Variants in RFX1 observed in about 807,000 individuals in gnomAD.
RFX1 encodes MHC class II regulatory factor RFX1.
Under a neutral mutation model 119.6 loss-of-function variants are expected in RFX1, and 42 were observed. That is an observed-to-expected ratio of 0.35 (90% CI 0.27 to 0.45). The LOEUF (loss-of-function observed/expected upper bound fraction) is 0.45. RFX1 is among the 20% of genes least tolerant of loss of function. The probability of loss-of-function intolerance (pLI) is 1.00; values close to 1 mark genes in which losing one functional copy is unlikely to be tolerated. For synonymous variants in RFX1, 628 were observed against 618.5 expected, an observed-to-expected ratio of 1.02 and a Z score of -0.23; for missense variants, 1,118 against 1,368.1, an observed-to-expected ratio of 0.82 and a Z score of 2.88.
At chr19:13,983,076 T>C in intron 4 of RFX1, 111 bp downstream of exon 4, 1 of 816,728 alleles carries the variant, frequency 1.2e-6, no homozygotes, top group Non-Finnish European at 1.9e-6. Context: ...AGCCCCTGGA[T>C]GGGGACTCTT....
At chr19:14,000,304 G>A (rs1975172758) in intron 1 of RFX1, among the ~76,000 whole-genome samples, 1 of 152,070 alleles carries the variant, frequency 6.6e-6, no homozygotes, top group Non-Finnish European at 1.5e-5. Flanking sequence ...TAGCCAACAT[G>A]GCGAAACCCC....
In RFX1 at chr19:13,986,138, C is replaced by T. The variant is rs1202420458; in HGVS notation, c.320-2543G>A. ...ACAGCCCCGAGTCATGTGACCGGCA[C>T]TGCACACCTGGGTCCGTGGGGTCCA... On this transcript the variant is annotated intron_variant, in intron 2 of 20. Transcript: ENST00000254325. This position sits in a 1 kb window ranked among gnomAD's most constrained non-coding sequence, Gnocchi z 4.2. Among the ~76,000 whole-genome samples the T allele has an allele frequency of 6.6e-6, 1 of 152,220 alleles. No homozygotes were observed. Among genetic ancestry groups the T allele is most frequent in the Non-Finnish European group, 1.5e-5 (1 of 68,024 alleles).
chr19:13,963,502 T>C, intron 18 of RFX1, 36 bp downstream of exon 18: 2 of 1,553,726 alleles, frequency 1.3e-6, no homozygotes, highest in African/African-American at 1.4e-5. Context: ...GGGCCTTCCC[T>C]GGTGCCGCCC....
intron 1 of RFX1, among the ~76,000 whole-genome samples, chr19:14,002,748 G>A (rs928132492): frequency 3.9e-5 from 6 of 152,126 alleles, no homozygotes; most frequent in Non-Finnish European, 7.4e-5. Context: ...AGTCTTTCTC[G>A]CCTAGGAAGA....
intron 18 of RFX1, 129 bp from the exon 19 acceptor site, chr19:13,963,404 C>A: frequency 1.4e-6 from 2 of 1,432,388 alleles, no homozygotes; most frequent in South Asian, 2.6e-5. Flanking sequence ...ACAGCCTTCC[C>A]GGCACATGAG....
At position 13,965,864 on chromosome 19, in the gene RFX1, T is replaced by G; in HGVS notation, c.1962-87A>C. The stretch of plus-strand genomic sequence containing the variant: ...GAAGGGAACAGGTAGCCCCTGTCCC[T>G]GACCCAGGGTCACTGGGGTACTCTG... On this transcript the variant is annotated intron_variant, in intron 14 of 20. Transcript: ENST00000254325. This position sits in a 1 kb window ranked among gnomAD's most constrained non-coding sequence, Gnocchi z 4.7. 6.8e-7 allele frequency: 1 copy of G among 1,480,052 alleles called. No individual in the cohort carries two copies. 91.7% of individuals were successfully genotyped at this position (1,480,052 alleles called of 1,614,324 possible). A position where few individuals can be genotyped will look rare whatever the true frequency, so the allele number is the denominator to read the frequency against.
At chr19:13,976,809 G>A (rs1422694682) in intron 8 of RFX1, among the ~76,000 whole-genome samples, 1 of 151,778 alleles carries the variant, frequency 6.6e-6, no homozygotes, top group Middle Eastern at 3.2e-3. Context: ...GAGGAGATGA[G>A]CCTGGGCAAC....
chr19:13,991,815 C>A (rs1026854584), intron 2 of RFX1, among the ~76,000 whole-genome samples: 11 of 152,148 alleles, frequency 7.2e-5, no homozygotes, highest in African/African-American at 2.7e-4. Context: ...GTTCGCGCCA[C>A]CACGCCCAGC....
intron 1 of RFX1, among the ~76,000 whole-genome samples, chr19:14,003,647 C>T (rs1241455957): frequency 6.6e-6 from 1 of 152,090 alleles, no homozygotes; most frequent in African/African-American, 2.4e-5. Context: ...TTCTGGGATC[C>T]ATAGCACAGA....
intron 2 of RFX1, among the ~76,000 whole-genome samples, chr19:13,989,638 A>G (rs1178089600): frequency 6.6e-6 from 1 of 152,102 alleles, no homozygotes; most frequent in East Asian, 1.9e-4. Flanking sequence ...TTTGTCAGGT[A>G]TCGGGGGAGG....
intron 1 of RFX1, 108 bp from the exon 2 acceptor site, chr19:13,994,003 C>A: frequency 1.5e-6 from 1 of 689,092 alleles, no homozygotes; most frequent in South Asian, 1.9e-5. Flanking sequence ...TCTGGGTTCC[C>A]TGGAGATGTG....
At position 13,993,594 on chromosome 19, in the gene RFX1, G is replaced by A; in HGVS notation, c.250C>T (p.Pro84Ser). The A allele has an allele frequency of 6.2e-7, 1 of 1,612,412 alleles. No homozygotes were observed. Among genetic ancestry groups the A allele is most frequent in the East Asian group, 2.2e-5 (1 of 44,848 alleles). Residue 84 changes from proline to serine, a missense_variant, in exon 2 of 21, where the codon CCC (proline) becomes TCC (serine). This residue lies in a region of RFX1 where 542 missense variants were observed against 602.7 expected (regional missense o/e 0.90). Transcript: ENST00000254325. ...YVTELPAVPA[P>S]SQPTGAPTPS... ...GTGGGTGCACCGGTTGGCTGCGAGG[G>A]TGCGGGTACAGCCGGGAGCTCCGTC...
Position 13,969,314 on chromosome 19 carries a change from C to T in RFX1, c.1497-420G>A, listed in dbSNP as rs547505414. Among the ~76,000 whole-genome samples, 56 of 152,156 alleles carry T rather than the reference C, an allele frequency of 3.7e-4. No homozygotes were observed. Among genetic ancestry groups the T allele is most frequent in the Admixed American group, 9.8e-4 (15 of 15,286 alleles). On this transcript the variant is annotated intron_variant, in intron 10 of 20. Transcript: ENST00000254325. The surrounding 1 kb of genome is among the most constrained non-coding windows in gnomAD (Gnocchi z 4.5). ...GGTACAACCCCGCGTCATCGAGGTA[C>T]GAGCACTGCAGACGGACCAGAACAA...
Position 13,965,926 on chromosome 19 carries a change from C to T in RFX1, c.1962-149G>A. The stretch of plus-strand genomic sequence containing the variant: ...CCAGCATCAGAAGGCACAGGTACCC[C>T]CTTACCCCCACTCCAGGGTCAGTGG... On this transcript the variant is annotated intron_variant, in intron 14 of 20. Transcript: ENST00000254325. This position sits in a 1 kb window ranked among gnomAD's most constrained non-coding sequence, Gnocchi z 4.7. 1 of 913,556 alleles carries T rather than the reference C, an allele frequency of 1.1e-6. No individual in the cohort carries two copies. The highest frequency in any genetic ancestry group is 1.6e-5 in the South Asian group (1 of 60,688). 56.6% of individuals were successfully genotyped at this position (913,556 alleles called of 1,614,324 possible).
chr19:13,976,864 A>C (rs577310019), intron 8 of RFX1, among the ~76,000 whole-genome samples: 14 of 152,184 alleles, frequency 9.2e-5, no homozygotes, highest in South Asian at 2.1e-4. Flanking sequence ...TTAGCTGAGC[A>C]TGGTGGTGCA....
At chr19:13,982,592 T>C (rs1974463395) in intron 4 of RFX1, among the ~76,000 whole-genome samples, 1 of 152,072 alleles carries the variant, frequency 6.6e-6, no homozygotes, top group South Asian at 2.1e-4. Context: ...TCACCTGAGG[T>C]CAGGAGTTCG....
At chr19:13,987,288 TC>T in intron 2 of RFX1, among the ~76,000 whole-genome samples, 1 of 152,158 alleles carries the variant, frequency 6.6e-6, no homozygotes, top group South Asian at 2.1e-4. Context: ...CTAGTATTGT[TC>T]CTGACCAGGG....
At position 13,968,980 on chromosome 19, in the gene RFX1, C is replaced by T; in HGVS notation, c.1497-86G>A. The T allele has an allele frequency of 7.0e-7, 1 of 1,419,976 alleles. No individual in the cohort carries two copies. The highest frequency in any genetic ancestry group is 9.5e-7 in the Non-Finnish European group (1 of 1,052,898). The allele number at this position is 1,419,976 out of a possible 1,614,324, so 88.0% of individuals were successfully genotyped here. A position where few individuals can be genotyped will look rare whatever the true frequency, so the allele number is the denominator to read the frequency against. ...GCACCTCACAGCACACCCGTCTCCT[C>T]TCTGTTAGGAGAATGGATAGAGAGA... On this transcript the variant is annotated intron_variant, in intron 10 of 20. Transcript: ENST00000254325. This position sits in a 1 kb window ranked among gnomAD's most constrained non-coding sequence, Gnocchi z 5.5.
intron 1 of RFX1, among the ~76,000 whole-genome samples, chr19:14,005,472 G>T (rs966412700): frequency 2.6e-5 from 4 of 152,194 alleles, no homozygotes; most frequent in African/African-American, 9.7e-5. Flanking sequence ...TCAAAGATAA[G>T]CCGTAAGTAA....
Sources: gnomAD v4.1 joint callset for allele counts (sites outside exome capture counted in the v4.1 genomes callset) on GRCh38, gnomAD v4.1.1 for gene constraint, gnomAD v4.1.1 regional missense constraint, Gnocchi (gnomAD v3.1) non-coding constraint, MANE v1.5 for transcripts, NCBI Gene and HGNC (gene_info 2026-07-23, HGNC 2026-07-21) for gene names.